The following ZNF93 variants were observed in gnomAD, a reference collection of about 807,000 sequenced individuals.
ZNF93 encodes zinc finger protein 93.
In ZNF93, 29 loss-of-function variants were observed where a neutral mutation model predicts 45.0. The ratio of observed to expected loss-of-function variants is 0.64; its 90% confidence interval spans 0.48 to 0.88. The LOEUF is 0.88. ZNF93 is among the 40% of genes least tolerant of loss of function. The probability of loss-of-function intolerance (pLI) is 0.00; values close to 1 mark genes in which losing one functional copy is unlikely to be tolerated. For synonymous variants in ZNF93, 223 were observed against 244.6 expected, an observed-to-expected ratio of 0.91 and a Z score of 0.82; for missense variants, 578 against 724.0, an observed-to-expected ratio of 0.80 and a Z score of 2.31.
intron 3 of ZNF93, chr19:19,927,297 G>A (rs1164985410): frequency 5.0e-6 from 2 of 397,926 alleles, no homozygotes; most frequent in Non-Finnish European, 8.9e-6. Flanking sequence ...TTGGGAGATT[G>A]AAGGGAGTCA....
intron 1 of ZNF93, among the ~76,000 whole-genome samples, chr19:19,912,706 T>A (rs200506862): frequency 4.5e-4 from 68 of 152,204 alleles, no homozygotes; most frequent in East Asian, 1.9e-3. Context: ...TACAATTTTT[T>A]AAAAAATTTG....
chr19:19,918,766 A>G (rs1343471963), intron 3 of ZNF93, among the ~76,000 whole-genome samples: 5 of 152,106 alleles, frequency 3.3e-5, no homozygotes, highest in South Asian at 2.1e-4. Context: ...AGAAGTGTCT[A>G]TTAATATCCT....
chr19:19,914,371 A>G (rs2063317798), intron 1 of ZNF93, among the ~76,000 whole-genome samples: 1 of 152,230 alleles, frequency 6.6e-6, no homozygotes, highest in Admixed American at 6.5e-5. Flanking sequence ...ACTAAAAATT[A>G]CAGAACATAG....
At chr19:19,932,942 T>G in intron 3 of ZNF93, 1 of 284,838 alleles carries the variant, frequency 3.5e-6, no homozygotes, top group Non-Finnish European at 6.4e-6. Flanking sequence ...TTCAAAATAT[T>G]GTTTTTCAAT....
intron 1 of ZNF93, among the ~76,000 whole-genome samples, chr19:19,901,740 G>A (rs2063272310): frequency 6.6e-6 from 1 of 152,096 alleles, no homozygotes; most frequent in South Asian, 2.1e-4. Context: ...CTTAGATTGT[G>A]CGGTGGGACC....
intron 1 of ZNF93, among the ~76,000 whole-genome samples, chr19:19,904,024 A>C (rs973557968): frequency 6.7e-6 from 1 of 149,238 alleles, no homozygotes; most frequent in Non-Finnish European, 1.5e-5. Flanking sequence ...GCGCCGCTGC[A>C]CTCCAGCCTG....
chr19:19,921,457 T>C (rs928195432), intron 3 of ZNF93, among the ~76,000 whole-genome samples: 1 of 152,218 alleles, frequency 6.6e-6, no homozygotes, highest in Non-Finnish European at 1.5e-5. Context: ...GTCTGTTAGG[T>C]CTGCTTGGTG....
chr19:19,901,656 C>G (rs1309461490), intron 1 of ZNF93, among the ~76,000 whole-genome samples: 1 of 151,982 alleles, frequency 6.6e-6, no homozygotes, highest in African/African-American at 2.4e-5. Context: ...TCTTTTTCCC[C>G]ATTCTCCTTT....
chr19:19,933,582 CT>C lies in ZNF93; in HGVS notation c.630del (p.Phe210LeufsTer175). On this transcript the variant is annotated frameshift_variant, in exon 4 of 4. Transcript: ENST00000343769. LOFTEE classifies it high-confidence loss of function. ...PYICEECGKAFKYSSALNTHK... is the reference protein window; with the variant it reads ...PYICEECGKAXKYSSALNTHK... ...ACATTTGTGAAGAATGTGGCAAAGCCTTTAAGTACTCCTCTGCCCTTAATAC... is the reference window on the plus strand; with the variant it reads ...ACATTTGTGAAGAATGTGGCAAAGCCTTAAGTACTCCTCTGCCCTTAATAC... 2 of 1,601,398 alleles carry C rather than the reference CT, an allele frequency of 1.2e-6. No homozygotes were observed. Among genetic ancestry groups the C allele is most frequent in the Non-Finnish European group, 1.7e-6 (2 of 1,175,934 alleles).
At chr19:19,918,705 A>G (rs1302175438) in intron 3 of ZNF93, among the ~76,000 whole-genome samples, 3 of 152,206 alleles carry the variant, frequency 2.0e-5, no homozygotes, top group Non-Finnish European at 4.4e-5. Flanking sequence ...ATGGCCAGTG[A>G]TGATGAGCAT....
intron 3 of ZNF93, among the ~76,000 whole-genome samples, chr19:19,924,375 G>A (rs2063350487): frequency 6.6e-6 from 1 of 152,088 alleles, no homozygotes; most frequent in Non-Finnish European, 1.5e-5. Context: ...ACAGCCGTGA[G>A]CCACCGCACC....
chr19:19,934,041 T>C lies in ZNF93; in HGVS notation c.1086T>C (p.Ile362=). 6.2e-7 allele frequency: 1 copy of C among 1,613,146 alleles called. No individual in the cohort carries two copies. The highest frequency in any genetic ancestry group is 8.5e-7 in the Non-Finnish European group (1 of 1,179,556). The change falls in exon 4 of 4, where the codon ATT becomes ATC. Residue 362 remains isoleucine (I), a synonymous_variant. Coordinates refer to ENST00000343769, the MANE Select transcript of ZNF93 (RefSeq NM_031218.4). ...ASSTLSRHEF[I]HMGKKHYKCE... ...CAACCCTTAGTAGACATGAGTTCAT[T>C]CATATGGGAAAGAAACATTACAAAT...
Position 19,934,633 on chromosome 19 carries a change from A to G in ZNF93, c.1678A>G (p.Thr560Ala), listed in dbSNP as rs2063387270. ...CCTTACTACACATAAGATACTTCATACTGGAGAGAAACCTTATAGATGTAG... is the reference window on the plus strand; with the variant it reads ...CCTTACTACACATAAGATACTTCATGCTGGAGAGAAACCTTATAGATGTAG... ...THLTTHKILH[T>A]GEKPYRCREC... The change falls in exon 4 of 4, where the codon ACT becomes GCT. Residue 560 changes from threonine (T) to alanine (A), a missense_variant. By Grantham distance (58) the Thr-to-Ala change is moderately conservative (BLOSUM62 0). Around this residue, in one of 3 missense-constraint regions of ZNF93, gnomAD observed 119 missense variants for 123.1 expected, o/e 0.97. Transcript: ENST00000343769. 4.3e-6 allele frequency: 7 copies of G among 1,613,766 alleles called. No individual in the cohort carries two copies. The highest frequency in any genetic ancestry group is 1.3e-5 in the African/African-American group (1 of 74,924).
At chr19:19,918,988 G>A (rs2063333925) in intron 3 of ZNF93, among the ~76,000 whole-genome samples, 1 of 151,900 alleles carries the variant, frequency 6.6e-6, no homozygotes. Context: ...TTTGGCTTTT[G>A]TTGCCATTGC....
At chr19:19,932,815 G>T (rs1030907800) in intron 3 of ZNF93, 5 of 155,200 alleles carry the variant, frequency 3.2e-5, no homozygotes, top group African/African-American at 1.2e-4. Context: ...GTACTTTATT[G>T]TCTGTTTGGA....
At chr19:19,912,757 A>G (rs925539866) in intron 1 of ZNF93, among the ~76,000 whole-genome samples, 3 of 152,048 alleles carry the variant, frequency 2.0e-5, no homozygotes, top group Non-Finnish European at 4.4e-5. Flanking sequence ...TGGGCCCTTT[A>G]TCTAAATCCT....
At chr19:19,927,161 C>T (rs2063358710) in intron 3 of ZNF93, 2 of 398,298 alleles carry the variant, frequency 5.0e-6, no homozygotes, top group East Asian at 7.1e-5. Context: ...TTTGGGAGGT[C>T]AAGCCAAGAG....
intron 1 of ZNF93, among the ~76,000 whole-genome samples, chr19:19,904,897 T>G (rs978479403): frequency 1.3e-5 from 2 of 152,170 alleles, no homozygotes; most frequent in Non-Finnish European, 2.9e-5. Context: ...ACACTAGACA[T>G]TGACATGTCC....
intron 3 of ZNF93, among the ~76,000 whole-genome samples, chr19:19,931,000 T>C (rs2122196133): frequency 6.6e-6 from 1 of 152,082 alleles, no homozygotes; most frequent in South Asian, 2.1e-4. Flanking sequence ...TTGTGGTTGC[T>C]ATTTTCATGG....
Sources: allele counts gnomAD v4.1 joint callset (sites outside exome capture counted in the v4.1 genomes callset), GRCh38; gene constraint gnomAD v4.1.1; regional missense constraint gnomAD v4.1.1; transcripts MANE v1.5; gene names NCBI Gene and HGNC (gene_info 2026-07-23, HGNC 2026-07-21).